The following XPO7 variants were observed in gnomAD, a reference collection of about 807,000 sequenced individuals.
XPO7 encodes exportin 7, also known as exportin-7.
In XPO7, 21 loss-of-function variants were observed where a neutral mutation model predicts 144.3. The ratio of observed to expected loss-of-function variants is 0.15; its 90% CI spans 0.10 to 0.21. The LOEUF is 0.21. Ranked by LOEUF, XPO7 falls within the 10% of genes least tolerant of loss-of-function variation. XPO7 has a pLI of 1.00. For missense variants in XPO7, 808 were observed against 1,325.8 expected, an observed-to-expected ratio of 0.61 and a Z score of 6.06; for synonymous variants, 580 against 499.6, an observed-to-expected ratio of 1.16 and a Z score of -2.15.
At chr8:21,949,021 C>T (rs542847256) in intron 1 of XPO7, among the ~76,000 whole-genome samples, 15 of 152,252 alleles carry the variant, frequency 9.9e-5, no homozygotes, top group Admixed American at 6.5e-4. Flanking sequence ...TCGCAAGTTA[C>T]GGGCCCTAAG....
intron 10 of XPO7, among the ~76,000 whole-genome samples, chr8:21,982,185 A>T (rs565200722): frequency 3.5e-4 from 54 of 152,322 alleles, no homozygotes; most frequent in African/African-American, 1.2e-3. Context: ...AAGAGAGTTG[A>T]TGCCCTCTCT....
chr8:21,998,891 C>A (rs1813042271), intron 22 of XPO7, 54 bp downstream of exon 22: 2 of 1,585,538 alleles, frequency 1.3e-6, no homozygotes, highest in Admixed American at 3.4e-5. Flanking sequence ...TCAGTCACCA[C>A]ACTGTAAGCA....
intron 26 of XPO7, 65 bp downstream of exon 26, chr8:22,003,382 A>G (rs1813219979): frequency 3.1e-6 from 4 of 1,299,904 alleles, no homozygotes; most frequent in African/African-American, 1.5e-5. Context: ...GGTATCACCA[A>G]GCCCTGGGAG....
At chr8:21,933,794 T>C (rs1810732142) in intron 1 of XPO7, among the ~76,000 whole-genome samples, 1 of 152,188 alleles carries the variant, frequency 6.6e-6, no homozygotes, top group Non-Finnish European at 1.5e-5. Context: ...ATCAGGTTAA[T>C]GAGGTGATAC....
chr8:21,934,449 C>T (rs1253119069), intron 1 of XPO7, among the ~76,000 whole-genome samples: 5 of 152,126 alleles, frequency 3.3e-5, no homozygotes, highest in Admixed American at 6.6e-5. Context: ...AGGAGAATCA[C>T]TTGAACCTGG....
chr8:21,991,289 A>G (rs936192589), intron 18 of XPO7, among the ~76,000 whole-genome samples: 6 of 152,310 alleles, frequency 3.9e-5, no homozygotes, highest in Middle Eastern at 3.4e-3. Flanking sequence ...TTTATTATCC[A>G]GTTTTCTAGC....
At chr8:21,993,915 G>GTCTCTCTCTC (rs146886015) in intron 19 of XPO7, among the ~76,000 whole-genome samples, 8 of 141,128 alleles carry the variant, frequency 5.7e-5, no homozygotes, top group African/African-American at 1.9e-4. Context: ...TCTTTGCCGT[G>GTCTCTCTCTC]TCTCTCTCTC....
intron 7 of XPO7, among the ~76,000 whole-genome samples, chr8:21,977,394 C>T (rs1273371029): frequency 6.6e-6 from 1 of 152,160 alleles, no homozygotes; most frequent in Non-Finnish European, 1.5e-5. Flanking sequence ...GCCTGGCGAA[C>T]ATGGTGAAAC....
At chr8:21,984,357 G>C (rs919622586) in intron 11 of XPO7, among the ~76,000 whole-genome samples, 4 of 152,162 alleles carry the variant, frequency 2.6e-5, no homozygotes, top group African/African-American at 9.7e-5. Context: ...TCAGACAGTT[G>C]AGAAGGGCAG....
chr8:22,000,943 G>C (rs1813119945), intron 24 of XPO7, among the ~76,000 whole-genome samples: 1 of 152,116 alleles, frequency 6.6e-6, no homozygotes, highest in Admixed American at 6.5e-5. Flanking sequence ...ACTTCTATCA[G>C]TCTATCAGGG....
At chr8:21,957,710 C>T (rs562110529) in intron 1 of XPO7, among the ~76,000 whole-genome samples, 3 of 152,288 alleles carry the variant, frequency 2.0e-5, no homozygotes, top group East Asian at 1.9e-4. Context: ...AATGTTAAGA[C>T]GTTCTTATGA....
chr8:21,990,688 G>T, intron 17 of XPO7, 123 bp from the exon 18 acceptor site: 1 of 1,011,252 alleles, frequency 9.9e-7, no homozygotes, highest in African/African-American at 1.6e-5. Context: ...AAAACCTTCA[G>T]ATCCTCAAGG....
intron 4 of XPO7, 33 bp downstream of exon 4, chr8:21,970,343 G>T: frequency 6.3e-7 from 1 of 1,591,196 alleles, no homozygotes. Context: ...AATGGGAATG[G>T]GAGAACCAGC....
intron 18 of XPO7, among the ~76,000 whole-genome samples, 189 bp downstream of exon 18, chr8:21,991,108 T>C (rs114022885): frequency 6.6e-6 from 1 of 152,122 alleles, no homozygotes; most frequent in East Asian, 1.9e-4. Context: ...TGGAAGAGAG[T>C]AACAGTCTGC....
At chr8:21,985,081 G>A (rs925963608) in intron 12 of XPO7, among the ~76,000 whole-genome samples, 3 of 151,858 alleles carry the variant, frequency 2.0e-5, no homozygotes, top group Non-Finnish European at 2.9e-5. Flanking sequence ...GTTGCCACGT[G>A]GGCCTTGTAC....
intron 1 of XPO7, among the ~76,000 whole-genome samples, chr8:21,958,591 CT>C (rs1158612988): frequency 2.0e-5 from 3 of 151,258 alleles, no homozygotes; most frequent in African/African-American, 7.3e-5. Flanking sequence ...AAGCACAAAA[CT>C]GCAAGAAACA....
chr8:21,988,923 A>G, intron 15 of XPO7, 80 bp from the exon 16 acceptor site: 2 of 1,325,508 alleles, frequency 1.5e-6, no homozygotes, highest in Admixed American at 2.1e-5. Context: ...TTGATGAATG[A>G]CTTTCTTCTT....
At position 21,966,844 on chromosome 8, in the gene XPO7, T is replaced by C. The variant is rs1436601211; in HGVS notation, c.19-13T>C. 3.1e-6 allele frequency: 5 copies of C among 1,607,918 alleles called. No individual in the cohort carries two copies. The highest frequency in any genetic ancestry group is 4.3e-6 in the Non-Finnish European group (5 of 1,176,372). ...AGGCTGAACTGTTTTCTTTCCTGAC[T>C]GATCTTTTCCAGAGCCTGGCCCAAC... On this transcript the variant is annotated splice_polypyrimidine_tract_variant and intron_variant, in intron 1 of 27. Coordinates refer to ENST00000252512, the MANE Select transcript of XPO7 (RefSeq NM_015024.5).
intron 19 of XPO7, among the ~76,000 whole-genome samples, chr8:21,993,804 C>G (rs1017288294): frequency 6.6e-6 from 1 of 152,112 alleles, no homozygotes; most frequent in African/African-American, 2.4e-5. Flanking sequence ...CTGGCAGGGC[C>G]TGCATCTGAC....
Sources: gnomAD v4.1 joint callset for allele counts (sites outside exome capture counted in the v4.1 genomes callset) on GRCh38, gnomAD v4.1.1 for gene constraint, MANE v1.5 for transcripts, NCBI Gene and HGNC (gene_info 2026-07-23, HGNC 2026-07-21) for gene names.